Variants in GLRA3 observed in about 807,000 individuals in gnomAD.
GLRA3 encodes the protein glycine receptor subunit alpha-3.
A neutral mutation model predicts 60.4 loss-of-function variants in GLRA3; 44 were observed. The observed-to-expected ratio is 0.73, with a 90% CI of 0.57 to 0.94. GLRA3 has a LOEUF of 0.94. GLRA3 is among the 40% of genes least tolerant of loss of function. The pLI, the probability that GLRA3 is intolerant of heterozygous loss-of-function variation, is 0.00. For missense variants in GLRA3, 508 were observed against 564.6 expected (o/e 0.90, Z 1.02); for synonymous variants, 223 against 192.9 (o/e 1.16, Z -1.29).
intron 3 of GLRA3, among the ~76,000 whole-genome samples, chr4:174,729,541 G>A (rs1199618330): frequency 2.6e-5 from 4 of 152,166 alleles, no homozygotes; most frequent in Non-Finnish European, 5.9e-5. Context: ...ATTTTAAAAG[G>A]AGTCAATGAT....
At chr4:174,649,500 A>T (rs1040598503) in intron 9 of GLRA3, among the ~76,000 whole-genome samples, 1 of 152,148 alleles carries the variant, frequency 6.6e-6, no homozygotes, top group Admixed American at 6.5e-5. Context: ...GGATGTAATA[A>T]AATGGGAGCC....
intron 5 of GLRA3, among the ~76,000 whole-genome samples, chr4:174,699,439 C>T (rs956042573): frequency 1.3e-5 from 2 of 152,134 alleles, no homozygotes; most frequent in Non-Finnish European, 2.9e-5. Flanking sequence ...GACATTGGCA[C>T]AGAAAGATGT....
rs73004513 is a variant in GLRA3, at chr4:174,710,124, G to A, written c.574+5364C>T. Among the ~76,000 whole-genome samples the A allele has an allele frequency of 2.3e-3, 348 of 151,916 alleles. 2 individuals are homozygous for A. Among genetic ancestry groups the A allele is most frequent in the African/African-American group, 8.1e-3 (337 of 41,486 alleles). On this transcript the variant is annotated intron_variant, in intron 5 of 9. Coordinates refer to ENST00000274093, the MANE Select transcript of GLRA3 (RefSeq NM_006529.4). ...ACTTCTTCCAGTTTTTCTAAAACTTGATGATGCTGTCTTTCTCTGGCTCTC... is the reference window on the plus strand; with the variant it reads ...ACTTCTTCCAGTTTTTCTAAAACTTAATGATGCTGTCTTTCTCTGGCTCTC...
chr4:174,781,079 G>A (rs1395670920), intron 2 of GLRA3, among the ~76,000 whole-genome samples: 1 of 152,050 alleles, frequency 6.6e-6, no homozygotes, highest in Non-Finnish European at 1.5e-5. Context: ...GCTCTCCTCA[G>A]CAAATGTAAA....
At chr4:174,679,987 AAG>A (rs1734280182) in intron 6 of GLRA3, among the ~76,000 whole-genome samples, 1 of 152,188 alleles carries the variant, frequency 6.6e-6, no homozygotes, top group Non-Finnish European at 1.5e-5. Flanking sequence ...TCAAAGTAGA[AAG>A]AAGAAAAGAT....
chr4:174,809,998 G>A (rs1257379525), intron 1 of GLRA3, among the ~76,000 whole-genome samples: 1 of 152,086 alleles, frequency 6.6e-6, no homozygotes, highest in Non-Finnish European at 1.5e-5. Context: ...GATTTATTTA[G>A]TACCCACACT....
chr4:174,803,015 A>T (rs1050492553), intron 1 of GLRA3, among the ~76,000 whole-genome samples: 3 of 151,846 alleles, frequency 2.0e-5, no homozygotes, highest in Non-Finnish European at 2.9e-5. Context: ...ATATTGGGTT[A>T]TGGTGGGGTT....
intron 5 of GLRA3, among the ~76,000 whole-genome samples, chr4:174,700,499 C>A (rs1186031662): frequency 6.6e-6 from 1 of 152,078 alleles, no homozygotes; most frequent in Non-Finnish European, 1.5e-5. Flanking sequence ...AAATTATTAG[C>A]CAATTAATAA....
At chr4:174,822,100 A>G (rs1740763967) in intron 1 of GLRA3, among the ~76,000 whole-genome samples, 1 of 152,190 alleles carries the variant, frequency 6.6e-6, no homozygotes, top group African/African-American at 2.4e-5. Flanking sequence ...AAAATCTAAA[A>G]CACAAATTGG....
intron 1 of GLRA3, among the ~76,000 whole-genome samples, chr4:174,796,749 A>G (rs1045197213): frequency 6.6e-6 from 1 of 151,998 alleles, no homozygotes; most frequent in African/African-American, 2.4e-5. Flanking sequence ...GTTGGCCAAG[A>G]TGGTCTGGAT....
At chr4:174,708,855 A>T (rs1735610353) in intron 5 of GLRA3, among the ~76,000 whole-genome samples, 1 of 149,502 alleles carries the variant, frequency 6.7e-6, no homozygotes, top group Non-Finnish European at 1.5e-5. Context: ...ACAGTTAGGA[A>T]TTTTCCTTTT....
intron 5 of GLRA3, among the ~76,000 whole-genome samples, chr4:174,708,383 A>C (rs1735589081): frequency 6.6e-6 from 1 of 151,892 alleles, no homozygotes; most frequent in South Asian, 2.1e-4. Context: ...AACCCCATTA[A>C]AGTGTATTCT....
intron 1 of GLRA3, among the ~76,000 whole-genome samples, chr4:174,818,739 T>C (rs1740610204): frequency 6.6e-6 from 1 of 152,174 alleles, no homozygotes; most frequent in South Asian, 2.1e-4. Flanking sequence ...TTCTTACCAA[T>C]AAATAAACCA....
chr4:174,650,321 T>C (rs1038115001), intron 9 of GLRA3, among the ~76,000 whole-genome samples: 1 of 152,176 alleles, frequency 6.6e-6, no homozygotes, highest in Non-Finnish European at 1.5e-5. Context: ...TAAAGCAGAC[T>C]GTGAGAGATC....
At chr4:174,752,225 G>C (rs1208978985) in intron 3 of GLRA3, among the ~76,000 whole-genome samples, 1 of 152,104 alleles carries the variant, frequency 6.6e-6, no homozygotes, top group Non-Finnish European at 1.5e-5. Context: ...AGCACAGTGA[G>C]TGATCATTGA....
At chr4:174,811,654 A>G (rs73008378) in intron 1 of GLRA3, among the ~76,000 whole-genome samples, 3,584 of 152,284 alleles carry the variant, frequency 0.024, 134 homozygotes, top group African/African-American at 0.081. Flanking sequence ...GGAAACTTAA[A>G]GGCTAAGGGC....
intron 1 of GLRA3, among the ~76,000 whole-genome samples, chr4:174,809,761 A>C (rs938181655): frequency 8.5e-5 from 13 of 152,140 alleles, no homozygotes; most frequent in Admixed American, 5.9e-4. Flanking sequence ...AATAAAATAA[A>C]AATGATTGCT....
At chr4:174,756,042 A>G (rs1737683653) in intron 3 of GLRA3, among the ~76,000 whole-genome samples, 1 of 152,168 alleles carries the variant, frequency 6.6e-6, no homozygotes, top group Admixed American at 6.5e-5. Flanking sequence ...GAAAAACAAA[A>G]CTATTACAAA....
intron 5 of GLRA3, among the ~76,000 whole-genome samples, chr4:174,705,119 A>G (rs1735466811): frequency 6.9e-6 from 1 of 144,362 alleles, no homozygotes; most frequent in Non-Finnish European, 1.5e-5. Flanking sequence ...GTCCCTTCAT[A>G]ACTCATGTTT....
Sources: allele counts gnomAD v4.1 joint callset (sites outside exome capture counted in the v4.1 genomes callset), GRCh38; gene constraint gnomAD v4.1.1; transcripts MANE v1.5; gene names NCBI Gene and HGNC (gene_info 2026-07-23, HGNC 2026-07-21).